SNCB: variants seen among roughly 807,000 people sequenced by gnomAD.
The protein encoded by SNCB is synuclein beta.
Under a neutral mutation model 20.0 loss-of-function variants are expected in SNCB, and 8 were observed. The observed-to-expected ratio is 0.40, with a 90% confidence interval of 0.24 to 0.72. The LOEUF (loss-of-function observed/expected upper bound fraction) is 0.72, where lower values mean the gene tolerates loss of function less well. Among genes scored for constraint, SNCB ranks in the 30% least tolerant of loss-of-function variants. The pLI, the probability that SNCB is intolerant of heterozygous loss-of-function variation, is 0.37. For missense variants in SNCB, 125 were observed against 168.0 expected (o/e 0.74, Z 1.41); for synonymous variants, 56 against 65.4 (o/e 0.86, Z 0.69).
intron 4 of SNCB, among the ~76,000 whole-genome samples, chr5:176,625,326 C>T (rs1759874477): frequency 6.6e-6 from 1 of 152,224 alleles, no homozygotes; most frequent in Admixed American, 6.5e-5. Context: ...TCCTCCAGCC[C>T]CACCTCAGAC....
At position 176,629,689 on chromosome 5, in the gene SNCB, G is replaced by A. The variant is rs754729282; in HGVS notation, c.-9-26C>T. The A allele has an allele frequency of 3.7e-6, 6 of 1,608,306 alleles. No individual in the cohort carries two copies. The Admixed American group carries it at 6.7e-5, about 18-fold the overall frequency. ...CTGGGGAGGGCGATACACGGGCACC[G>A]GTGCACTGGCCCCGCACTCTCACCC... On this transcript the variant is annotated intron_variant, in intron 1 of 5. Coordinates refer to ENST00000393693, the MANE Select transcript of SNCB (RefSeq NM_003085.5). The surrounding 1 kb of genome is among the most constrained non-coding windows in gnomAD (Gnocchi z 4.1).
chr5:176,629,460 G>A lies in SNCB; in HGVS notation c.121+74C>T. 1 of 1,514,680 alleles carries A rather than the reference G, an allele frequency of 6.6e-7. No individual in the cohort carries two copies. The highest frequency in any genetic ancestry group is 9.0e-7 in the Non-Finnish European group (1 of 1,109,030). 93.8% of individuals were successfully genotyped at this position (1,514,680 alleles called of 1,614,324 possible). A position where few individuals can be genotyped will look rare whatever the true frequency, so the allele number is the denominator to read the frequency against. On this transcript the variant is annotated intron_variant, in intron 2 of 5. Transcript: ENST00000393693. The surrounding 1 kb of genome is among the most constrained non-coding windows in gnomAD (Gnocchi z 4.1). Reference sequence around the variant, plus strand: ...TCTCCTGCCCAGAACCCCCCTCCCCGGGACCCGGCCCCAGCTCCACACTGT... The same window carrying A: ...TCTCCTGCCCAGAACCCCCCTCCCCAGGACCCGGCCCCAGCTCCACACTGT...
chr5:176,627,480 G>A (rs755802374), intron 2 of SNCB, among the ~76,000 whole-genome samples: 13 of 152,368 alleles, frequency 8.5e-5, no homozygotes, highest in South Asian at 6.2e-4. Flanking sequence ...GGCCTTCCTC[G>A]GAGGGTAGCA....
Position 176,621,265 on chromosome 5 carries a change from C to T in SNCB, c.321G>A (p.Leu107=), listed in dbSNP as rs1365503175. 2 of 1,613,880 alleles carry T rather than the reference C, an allele frequency of 1.2e-6. No individual in the cohort carries two copies. The highest frequency in any genetic ancestry group is 2.7e-5 in the African/African-American group (2 of 75,028). ...EVAQEAAEEP[L]IEPLMEPEGE... is the part of the protein sequence containing the mutation. Reference sequence around the variant, plus strand: ...CTTCTGGCTCCATCAGGGGCTCAATCAGTGGTTCTTCAGCAGCTTCCTGGG... The same window carrying T: ...CTTCTGGCTCCATCAGGGGCTCAATTAGTGGTTCTTCAGCAGCTTCCTGGG... Residue 107 remains leucine (L), a synonymous_variant, in exon 5 of 6, where the codon CTG becomes CTA. Coordinates refer to ENST00000393693, the MANE Select transcript of SNCB (RefSeq NM_003085.5). This position sits in a 1 kb window ranked among gnomAD's most constrained non-coding sequence, Gnocchi z 4.1.
rs1378375821 is a variant in SNCB, at chr5:176,629,050, C to G, written c.121+484G>C. Among the ~76,000 whole-genome samples, 1 of 152,158 alleles carries G rather than the reference C, an allele frequency of 6.6e-6. No individual in the cohort carries two copies. Among genetic ancestry groups the G allele is most frequent in the African/African-American group, 2.4e-5 (1 of 41,434 alleles). ...AAGGGGAGGGGTGGGGCTTCAGAAT[C>G]TATAAAGCTCCGTTCAAACCCCAGC... On this transcript the variant is annotated intron_variant, in intron 2 of 5. Transcript: ENST00000393693. This position sits in a 1 kb window ranked among gnomAD's most constrained non-coding sequence, Gnocchi z 4.1.
Position 176,626,850 on chromosome 5 carries a change from C to A in SNCB, c.122-89G>T, listed in dbSNP as rs79320538. ...GCATGGTGATTACAGAGTGGGCATCCTGGCCCCGTCACTGCCTCCTTGGGT... is the reference window on the plus strand; with the variant it reads ...GCATGGTGATTACAGAGTGGGCATCATGGCCCCGTCACTGCCTCCTTGGGT... On this transcript the variant is annotated intron_variant, in intron 2 of 5. Transcript: ENST00000393693. This position sits in a 1 kb window ranked among gnomAD's most constrained non-coding sequence, Gnocchi z 4.2. 9.3e-3 allele frequency: 13,202 copies of A among 1,412,400 alleles called. 88 individuals are homozygous for A. Among genetic ancestry groups the A allele is most frequent in the Non-Finnish European group, 0.011 (11,257 of 997,588 alleles). The allele number at this position is 1,412,400 out of a possible 1,614,324, so 87.5% of individuals were successfully genotyped here.
rs1199181848 is a variant in SNCB, at chr5:176,629,371, C to T, written c.121+163G>A. On this transcript the variant is annotated intron_variant, in intron 2 of 5. Transcript: ENST00000393693. The surrounding 1 kb of genome is among the most constrained non-coding windows in gnomAD (Gnocchi z 4.1). ...CCCCATTTCCGGATACAGACCCAGG[C>T]TTCTATGGGCTGGCTATGTCCCCTA... The T allele has an allele frequency of 2.7e-6, 2 of 729,780 alleles. No homozygotes were observed. The highest frequency in any genetic ancestry group is 3.6e-5 in the African/African-American group (2 of 56,278). 45.2% of individuals were successfully genotyped at this position (729,780 alleles called of 1,614,324 possible).
Position 176,629,352 on chromosome 5 carries a change from T to G in SNCB, c.121+182A>C. 1.5e-6 allele frequency: 1 copy of G among 650,910 alleles called. No homozygotes were observed. The highest frequency in any genetic ancestry group is 2.9e-5 in the Admixed American group (1 of 34,046). The allele number at this position is 650,910 out of a possible 1,614,324, so 40.3% of individuals were successfully genotyped here. A position where few individuals can be genotyped will look rare whatever the true frequency, so the allele number is the denominator to read the frequency against. Reference sequence around the variant, plus strand: ...TCATCAGCCCGCCCCGTGTCCCCATTTCCGGATACAGACCCAGGCTTCTAT... The same window carrying G: ...TCATCAGCCCGCCCCGTGTCCCCATGTCCGGATACAGACCCAGGCTTCTAT... On this transcript the variant is annotated intron_variant, in intron 2 of 5. Transcript: ENST00000393693. The surrounding 1 kb of genome is among the most constrained non-coding windows in gnomAD (Gnocchi z 4.1).
In SNCB at chr5:176,629,395, T is replaced by G. The variant is rs1333971763; in HGVS notation, c.121+139A>C. 10 of 911,650 alleles carry G rather than the reference T, an allele frequency of 1.1e-5. No homozygotes were observed. The South Asian group carries it at 1.6e-4, about 15-fold the overall frequency. 56.5% of individuals were successfully genotyped at this position (911,650 alleles called of 1,614,324 possible). A position where few individuals can be genotyped will look rare whatever the true frequency, so the allele number is the denominator to read the frequency against. On this transcript the variant is annotated intron_variant, in intron 2 of 5. Coordinates refer to ENST00000393693, the MANE Select transcript of SNCB (RefSeq NM_003085.5). This position sits in a 1 kb window ranked among gnomAD's most constrained non-coding sequence, Gnocchi z 4.1. ...GCTTCTATGGGCTGGCTATGTCCCC[T>G]ATGACCCCTGCTGACCTCGCCCCAT...
intron 4 of SNCB, among the ~76,000 whole-genome samples, chr5:176,622,732 C>CTTTTTTTTT (rs149031370): frequency 1.1e-5 from 1 of 93,556 alleles, no homozygotes; most frequent in African/African-American, 4.4e-5. Flanking sequence ...TTCATGATGA[C>CTTTTTTTTT]TTTTTTTTTT....
Position 176,626,218 on chromosome 5 carries a change from A to G in SNCB, c.282+180T>C, listed in dbSNP as rs889328304. 6.6e-6 allele frequency among the ~76,000 whole-genome samples: 1 copy of G among 151,954 alleles called. No homozygotes were observed. Among genetic ancestry groups the G allele is most frequent in the Non-Finnish European group, 1.5e-5 (1 of 68,020 alleles). On this transcript the variant is annotated intron_variant, in intron 4 of 5. Transcript: ENST00000393693. This position sits in a 1 kb window ranked among gnomAD's most constrained non-coding sequence, Gnocchi z 4.2. Reference sequence around the variant, plus strand: ...CACACCCATGCACGCCTTTATTCAGATGCATTCTGAGCTGAGTCTAGCACG... The same window carrying G: ...CACACCCATGCACGCCTTTATTCAGGTGCATTCTGAGCTGAGTCTAGCACG...
intron 4 of SNCB, among the ~76,000 whole-genome samples, chr5:176,622,290 A>C (rs1759651524): frequency 6.6e-6 from 1 of 152,184 alleles, no homozygotes; most frequent in African/African-American, 2.4e-5. Flanking sequence ...CAAGTCACCC[A>C]GCTATGACCA....
Position 176,621,143 on chromosome 5 carries a change from C to T in SNCB, c.372+71G>A. 8.0e-7 allele frequency: 1 copy of T among 1,245,562 alleles called. No individual in the cohort carries two copies. Among genetic ancestry groups the T allele is most frequent in the Non-Finnish European group, 1.2e-6 (1 of 864,440 alleles). 77.2% of individuals were successfully genotyped at this position (1,245,562 alleles called of 1,614,324 possible). On this transcript the variant is annotated intron_variant, in intron 5 of 5. Transcript: ENST00000393693. This position sits in a 1 kb window ranked among gnomAD's most constrained non-coding sequence, Gnocchi z 4.1. Reference sequence around the variant, plus strand: ...CCAACCATCTCATGCCAGGGATGTCCCACCCCAGCTAGGGACGGCAGCAAT... The same window carrying T: ...CCAACCATCTCATGCCAGGGATGTCTCACCCCAGCTAGGGACGGCAGCAAT...
At position 176,621,235 on chromosome 5, in the gene SNCB, C is replaced by G; in HGVS notation, c.351G>C (p.Glu117Asp). The change falls in exon 5 of 6, where the codon GAG (glutamate) becomes GAC (aspartate). Residue 117 changes from glutamate (E) to aspartate (D), a missense_variant. By Grantham distance (45) the Glu-to-Asp change is conservative (BLOSUM62 2). Transcript: ENST00000393693. The surrounding 1 kb of genome is among the most constrained non-coding windows in gnomAD (Gnocchi z 4.1). ...TCACCTGGGGTGGGTCCTCATAACT[C>G]TCCCCTTCTGGCTCCATCAGGGGCT... ...LIEPLMEPEG[E>D]SYEDPPQEEY... The G allele has an allele frequency of 1.2e-6, 2 of 1,613,646 alleles. No individual in the cohort carries two copies. Among genetic ancestry groups the G allele is most frequent in the South Asian group, 1.1e-5 (1 of 90,850 alleles).
rs749151294 is a variant in SNCB at position 176,629,401 on chromosome 5, C to T, written c.121+133G>A. The T allele has an allele frequency of 1.1e-5, 11 of 965,280 alleles. No individual in the cohort carries two copies. The South Asian group carries it at 1.6e-4, about 14-fold the overall frequency. 59.8% of individuals were successfully genotyped at this position (965,280 alleles called of 1,614,324 possible). A position where few individuals can be genotyped will look rare whatever the true frequency, so the allele number is the denominator to read the frequency against. On this transcript the variant is annotated intron_variant, in intron 2 of 5. Coordinates refer to ENST00000393693, the MANE Select transcript of SNCB (RefSeq NM_003085.5). This position sits in a 1 kb window ranked among gnomAD's most constrained non-coding sequence, Gnocchi z 4.1. ...ATGGGCTGGCTATGTCCCCTATGAC[C>T]CCTGCTGACCTCGCCCCATCTGCTG...
At position 176,629,762 on chromosome 5, in the gene SNCB, G is replaced by T. The variant is rs1760242239; in HGVS notation, c.-9-99C>A. The T allele has an allele frequency of 1.4e-6, 2 of 1,475,396 alleles. No homozygotes were observed. Among genetic ancestry groups the T allele is most frequent in the Non-Finnish European group, 1.8e-6 (2 of 1,099,960 alleles). 91.4% of individuals were successfully genotyped at this position (1,475,396 alleles called of 1,614,324 possible). The stretch of plus-strand genomic sequence containing the variant: ...ATGCCCCCCTACTCCCGAGACCGCG[G>T]CGCCCTTCTGGACCCTGAGCCCCCT... On this transcript the variant is annotated intron_variant, in intron 1 of 5. Transcript: ENST00000393693. This position sits in a 1 kb window ranked among gnomAD's most constrained non-coding sequence, Gnocchi z 4.1.
In SNCB at chr5:176,626,297, A is replaced by AG. The variant is rs1759936555; in HGVS notation, c.282+100dup. ...TGTGTTCCAAGCTGGTGGCAGGATTAGGGGGGCGGGGATGGTGACAGGTTT... is the reference window on the plus strand; with the variant it reads ...TGTGTTCCAAGCTGGTGGCAGGATTAGGGGGGGCGGGGATGGTGACAGGTTT... On this transcript the variant is annotated intron_variant, in intron 4 of 5. Coordinates refer to ENST00000393693, the MANE Select transcript of SNCB (RefSeq NM_003085.5). This position sits in a 1 kb window ranked among gnomAD's most constrained non-coding sequence, Gnocchi z 4.2. 1.6e-5 allele frequency: 14 copies of AG among 891,310 alleles called. No individual in the cohort carries two copies. The highest frequency in any genetic ancestry group is 3.4e-5 in the Admixed American group (2 of 58,604). 55.2% of individuals were successfully genotyped at this position (891,310 alleles called of 1,614,324 possible). A position where few individuals can be genotyped will look rare whatever the true frequency, so the allele number is the denominator to read the frequency against.
At chr5:176,622,075 A>T (rs1313690583) in intron 4 of SNCB, among the ~76,000 whole-genome samples, 1 of 152,154 alleles carries the variant, frequency 6.6e-6, no homozygotes, top group African/African-American at 2.4e-5. Context: ...GGGATCCCGG[A>T]GCATTGGTGC....
In SNCB at chr5:176,629,761, G is replaced by A. The variant is rs1043754477; in HGVS notation, c.-9-98C>T. ...GATGCCCCCCTACTCCCGAGACCGC[G>A]GCGCCCTTCTGGACCCTGAGCCCCC... On this transcript the variant is annotated intron_variant, in intron 1 of 5. Coordinates refer to ENST00000393693, the MANE Select transcript of SNCB (RefSeq NM_003085.5). The surrounding 1 kb of genome is among the most constrained non-coding windows in gnomAD (Gnocchi z 4.1). 7.4e-6 allele frequency: 11 copies of A among 1,482,224 alleles called. No homozygotes were observed. Among genetic ancestry groups the A allele is most frequent in the Middle Eastern group, 2.5e-4 (1 of 4,050 alleles). The allele number at this position is 1,482,224 out of a possible 1,614,324, so 91.8% of individuals were successfully genotyped here.
Sources: allele counts gnomAD v4.1 joint callset (sites outside exome capture counted in the v4.1 genomes callset), GRCh38; gene constraint gnomAD v4.1.1; non-coding constraint Gnocchi (gnomAD v3.1); transcripts MANE v1.5; gene names NCBI Gene and HGNC (gene_info 2026-07-23, HGNC 2026-07-21).